SGCD: variants seen among roughly 807,000 people sequenced by gnomAD.
The protein encoded by SGCD is delta-sarcoglycan.
Under a neutral mutation model 36.6 loss-of-function variants are expected in SGCD, and 18 were observed. The ratio of observed to expected loss-of-function variants is 0.49; its 90% confidence interval spans 0.34 to 0.73. The LOEUF (loss-of-function observed/expected upper bound fraction) is 0.73. SGCD is among the 30% of genes least tolerant of loss of function. The pLI, the probability that SGCD is intolerant of heterozygous loss-of-function variation, is 0.01. For missense variants in SGCD, 387 were observed against 346.7 expected, an observed-to-expected ratio of 1.12 and a Z score of -0.92; for synonymous variants, 133 against 130.6, an observed-to-expected ratio of 1.02 and a Z score of -0.12.
At chr5:156,482,167 T>C (rs148496696) in intron 3 of SGCD, among the ~76,000 whole-genome samples, 10 of 152,308 alleles carry the variant, frequency 6.6e-5, no homozygotes, top group African/African-American at 2.2e-4. Flanking sequence ...GGTGTTGGAT[T>C]CTAGTGCTAT....
chr5:156,122,858 A>T (rs1762079077), intron 2 of SGCD, among the ~76,000 whole-genome samples: 2 of 79,374 alleles, frequency 2.5e-5, no homozygotes, highest in African/African-American at 9.3e-5. Flanking sequence ...AAAAAAAAAA[A>T]AAAAAAAAAA....
chr5:155,732,190 A>G, the SGCD span, among the ~76,000 whole-genome samples: 1 of 152,172 alleles, frequency 6.6e-6, no homozygotes, highest in African/African-American at 2.4e-5. Flanking sequence ...CTATCTGCCC[A>G]TTTAAAACTC....
At chr5:155,923,491 A>C (rs1756931742) in intron 1 of SGCD, among the ~76,000 whole-genome samples, 1 of 152,158 alleles carries the variant, frequency 6.6e-6, no homozygotes, top group African/African-American at 2.4e-5. Context: ...GCAAAGATGA[A>C]CGTTCATAGT....
chr5:155,895,273 A>G (rs1756224718), intron 1 of SGCD, among the ~76,000 whole-genome samples: 1 of 152,212 alleles, frequency 6.6e-6, no homozygotes, highest in Non-Finnish European at 1.5e-5. Flanking sequence ...TTCTGGTGAA[A>G]GTTTTGAGAT....
chr5:156,417,965 A>G (rs1007813026), intron 3 of SGCD, among the ~76,000 whole-genome samples: 6 of 152,182 alleles, frequency 3.9e-5, no homozygotes, highest in Non-Finnish European at 7.3e-5. Flanking sequence ...TGGACTGGAT[A>G]AAAATATTCA....
At chr5:156,003,629 C>G (rs775868323) in intron 1 of SGCD, among the ~76,000 whole-genome samples, 1 of 152,146 alleles carries the variant, frequency 6.6e-6, no homozygotes, top group Admixed American at 6.5e-5. Context: ...ATGATTTCCA[C>G]CAGTCCTCAT....
intron 1 of SGCD, among the ~76,000 whole-genome samples, chr5:156,019,349 T>C (rs1414995326): frequency 6.6e-6 from 1 of 152,196 alleles, no homozygotes; most frequent in African/African-American, 2.4e-5. Flanking sequence ...TTAATTTGAG[T>C]TTTCCCTGGA....
At chr5:156,604,319 G>C (rs1246889794) in intron 6 of SGCD, among the ~76,000 whole-genome samples, 5 of 151,742 alleles carry the variant, frequency 3.3e-5, no homozygotes, top group Non-Finnish European at 7.4e-5. Flanking sequence ...GAATATAATG[G>C]GGTCTTGTTC....
chr5:156,144,915 C>T (rs549056981), intron 3 of SGCD, among the ~76,000 whole-genome samples: 2 of 152,268 alleles, frequency 1.3e-5, no homozygotes, highest in East Asian at 3.9e-4. Context: ...TCAGATTAGA[C>T]TTTTGACTTT....
At chr5:156,442,404 A>G (rs1379882858) in intron 3 of SGCD, among the ~76,000 whole-genome samples, 1 of 152,200 alleles carries the variant, frequency 6.6e-6, no homozygotes. Context: ...GTAAGTCCCC[A>G]CGTCTCTGGA....
At chr5:155,839,216 C>G in the SGCD span, among the ~76,000 whole-genome samples, 1 of 152,176 alleles carries the variant, frequency 6.6e-6, no homozygotes, top group Non-Finnish European at 1.5e-5. Flanking sequence ...GATCTTGTCT[C>G]TGTTCTGCAC....
chr5:156,424,797 C>T (rs76626199), intron 3 of SGCD, among the ~76,000 whole-genome samples: 14 of 151,920 alleles, frequency 9.2e-5, no homozygotes, highest in Non-Finnish European at 1.8e-4. Flanking sequence ...GGCACCTTTT[C>T]GAGAAGAAAT....
intron 4 of SGCD, among the ~76,000 whole-genome samples, chr5:156,575,381 T>G (rs1172803776): frequency 6.6e-6 from 1 of 152,194 alleles, no homozygotes; most frequent in East Asian, 1.9e-4. Context: ...AGTCTTTTCT[T>G]CATCACAGGT....
At chr5:156,470,923 G>C (rs1238000281) in intron 3 of SGCD, among the ~76,000 whole-genome samples, 1 of 152,130 alleles carries the variant, frequency 6.6e-6, no homozygotes, top group Non-Finnish European at 1.5e-5. Flanking sequence ...AAGTATAAAA[G>C]CTAGGTCACC....
intron 1 of SGCD, among the ~76,000 whole-genome samples, chr5:156,043,364 T>A (rs1169377445): frequency 6.6e-6 from 1 of 152,200 alleles, no homozygotes; most frequent in East Asian, 1.9e-4. Flanking sequence ...TATTTTTTTA[T>A]CATACTGATG....
At chr5:156,039,145 C>G (rs1391263832) in intron 1 of SGCD, among the ~76,000 whole-genome samples, 2 of 152,082 alleles carry the variant, frequency 1.3e-5, no homozygotes, top group African/African-American at 2.4e-5. Flanking sequence ...ATGGCCCACT[C>G]CACCACCTAG....
At chr5:155,850,410 G>A in the SGCD span, among the ~76,000 whole-genome samples, 1 of 151,716 alleles carries the variant, frequency 6.6e-6, no homozygotes, top group Non-Finnish European at 1.5e-5. Flanking sequence ...GAGACAGAGA[G>A]ACAGAGACAG....
chr5:155,971,788 T>C (rs1758010852), intron 1 of SGCD, among the ~76,000 whole-genome samples: 1 of 152,194 alleles, frequency 6.6e-6, no homozygotes, highest in Non-Finnish European at 1.5e-5. Flanking sequence ...TCATTCGCTT[T>C]GCATGGTGGC....
chr5:155,900,210 C>T (rs975394978), intron 1 of SGCD, among the ~76,000 whole-genome samples: 2 of 152,170 alleles, frequency 1.3e-5, no homozygotes, highest in Non-Finnish European at 2.9e-5. Flanking sequence ...ACTGCAAATA[C>T]TCCAGTTTTG....
Sources: allele counts gnomAD v4.1 joint callset (sites outside exome capture counted in the v4.1 genomes callset), GRCh38; gene constraint gnomAD v4.1.1; transcripts MANE v1.5; gene names NCBI Gene and HGNC (gene_info 2026-07-23, HGNC 2026-07-21).